The following ACTR3C variants were observed in gnomAD, a reference collection of about 807,000 sequenced individuals.
ACTR3C encodes actin-related protein 3C.
A neutral mutation model predicts 26.3 loss-of-function variants in ACTR3C; 18 were observed. The ratio of observed to expected loss-of-function variants is 0.68; its 90% CI spans 0.47 to 1.01. The LOEUF is 1.01. Among genes scored for constraint, ACTR3C ranks in the 50% least tolerant of loss-of-function variants. The pLI is 0.00. For synonymous variants in ACTR3C, 55 were observed against 94.5 expected, an observed-to-expected ratio of 0.58 and a Z score of 2.42; for missense variants, 184 against 250.7, an observed-to-expected ratio of 0.73 and a Z score of 1.80.
At chr7:150,125,207 T>C in the ACTR3C span, among the ~76,000 whole-genome samples, 1 of 151,804 alleles carries the variant, frequency 6.6e-6, no homozygotes, top group Admixed American at 6.6e-5. Context: ...ATTTTAGGTA[T>C]GACTTACTCT....
chr7:149,934,863 AT>A, the ACTR3C span, among the ~76,000 whole-genome samples: 4 of 98,490 alleles, frequency 4.1e-5, no homozygotes, highest in African/African-American at 8.1e-5. Flanking sequence ...AAATATAGAT[AT>A]TTATAATTAA....
chr7:149,899,862 C>T, the ACTR3C span, among the ~76,000 whole-genome samples: 1 of 138,462 alleles, frequency 7.2e-6, no homozygotes, highest in South Asian at 2.4e-4. Flanking sequence ...AAAATCCATT[C>T]CAAAACACAT....
chr7:149,989,141 C>T, the ACTR3C span, among the ~76,000 whole-genome samples: 2 of 152,176 alleles, frequency 1.3e-5, no homozygotes, highest in East Asian at 3.8e-4. Context: ...CCCCAACCTC[C>T]ATGTTCATTT....
the ACTR3C span, among the ~76,000 whole-genome samples, chr7:150,162,836 G>T: frequency 1.3e-5 from 2 of 152,074 alleles, no homozygotes; most frequent in African/African-American, 4.8e-5. Context: ...ACGGTACCAC[G>T]AGTAGAGCAA....
the ACTR3C span, among the ~76,000 whole-genome samples, chr7:149,945,000 C>T: frequency 6.6e-6 from 1 of 151,884 alleles, no homozygotes; most frequent in African/African-American, 2.4e-5. Context: ...GCAGGTGATG[C>T]TCAAAGGTGA....
the ACTR3C span, among the ~76,000 whole-genome samples, chr7:150,148,601 C>T: frequency 6.6e-6 from 1 of 152,240 alleles, no homozygotes; most frequent in Non-Finnish European, 1.5e-5. Context: ...TAAAAAATGG[C>T]TTTGGCTATC....
the ACTR3C span, among the ~76,000 whole-genome samples, chr7:150,205,509 T>G: frequency 1.3e-5 from 2 of 152,158 alleles, no homozygotes; most frequent in Non-Finnish European, 2.9e-5. Flanking sequence ...CAACTCCAAT[T>G]GCCACAAAAC....
chr7:150,180,817 T>C, the ACTR3C span, among the ~76,000 whole-genome samples: 1 of 149,242 alleles, frequency 6.7e-6, no homozygotes, highest in Non-Finnish European at 1.5e-5. Context: ...GCCAGTAGTA[T>C]ACCATTTTAA....
At chr7:149,950,010 C>CAGGGAGGAAGTGCACCCAG in the ACTR3C span, among the ~76,000 whole-genome samples, 825 of 141,348 alleles carry the variant, frequency 5.8e-3, 44 homozygotes, top group African/African-American at 0.024. Flanking sequence ...AGTGCACCCA[C>CAGGGAGGAAGTGCACCCAG]GGGAGCAGGG....
chr7:150,117,780 C>A, the ACTR3C span, among the ~76,000 whole-genome samples: 2 of 152,248 alleles, frequency 1.3e-5, no homozygotes, highest in Non-Finnish European at 2.9e-5. Flanking sequence ...CTCCGTACCT[C>A]CTGATGGGGA....
chr7:150,320,002 T>A (rs565403042), intron 1 of ACTR3C, among the ~76,000 whole-genome samples: 1 of 152,348 alleles, frequency 6.6e-6, no homozygotes, highest in South Asian at 2.1e-4. Context: ...TGCCAATCCA[T>A]CCCTGACTGG....
At chr7:150,039,774 G>A in the ACTR3C span, among the ~76,000 whole-genome samples, 1 of 134,350 alleles carries the variant, frequency 7.4e-6, no homozygotes, top group South Asian at 2.6e-4. Flanking sequence ...GGTCCCCAGA[G>A]CCAGGGGGGG....
chr7:149,931,594 C>T, the ACTR3C span, among the ~76,000 whole-genome samples: 2 of 152,130 alleles, frequency 1.3e-5, no homozygotes, highest in Non-Finnish European at 2.9e-5. Flanking sequence ...TCATGGAGCA[C>T]CTCTGATTGA....
At chr7:149,983,070 C>G in the ACTR3C span, among the ~76,000 whole-genome samples, 2 of 152,030 alleles carry the variant, frequency 1.3e-5, no homozygotes, top group South Asian at 4.2e-4. Flanking sequence ...AACTGGATAT[C>G]CATACAAGAG....
the ACTR3C span, among the ~76,000 whole-genome samples, chr7:150,039,777 A>AG: frequency 2.9e-5 from 3 of 104,236 alleles, no homozygotes; most frequent in African/African-American, 9.5e-5. Flanking sequence ...CCCCAGAGCC[A>AG]GGGGGGGAAG....
chr7:150,193,388 CT>C, the ACTR3C span, among the ~76,000 whole-genome samples: 2 of 146,812 alleles, frequency 1.4e-5, no homozygotes, highest in Non-Finnish European at 3.0e-5. Context: ...AATTGATTTT[CT>C]CTATTGATTT....
chr7:149,934,754 G>T, the ACTR3C span, among the ~76,000 whole-genome samples: 1 of 147,790 alleles, frequency 6.8e-6, no homozygotes, highest in Non-Finnish European at 1.5e-5. Flanking sequence ...CACCTCCCAT[G>T]CTAGCCCTCT....
At chr7:150,249,926 T>G (rs1229022030) in intron 6 of ACTR3C, among the ~76,000 whole-genome samples, 1 of 152,184 alleles carries the variant, frequency 6.6e-6, no homozygotes, top group Non-Finnish European at 1.5e-5. Context: ...CTCCACGTGA[T>G]AAGGCCTCAC....
chr7:150,242,689 A>G (rs1321603155), downstream of ACTR3C, among the ~76,000 whole-genome samples: 4 of 152,192 alleles, frequency 2.6e-5, no homozygotes, highest in African/African-American at 7.2e-5. Flanking sequence ...TGTTGTGGAT[A>G]CACATTTGTG....
Sources: gnomAD v4.1 joint callset for allele counts (sites outside exome capture counted in the v4.1 genomes callset) on GRCh38, gnomAD v4.1.1 for gene constraint, MANE v1.5 for transcripts, NCBI Gene and HGNC (gene_info 2026-07-23, HGNC 2026-07-21) for gene names.